ZBTB4: variants seen among roughly 807,000 people sequenced by gnomAD.
ZBTB4 encodes zinc finger and BTB domain-containing protein 4.
In ZBTB4, 14 loss-of-function variants were observed where a neutral mutation model predicts 59.8. The ratio of observed to expected loss-of-function variants is 0.23; its 90% CI spans 0.15 to 0.37. The LOEUF (loss-of-function observed/expected upper bound fraction) is 0.37, where lower values mean the gene tolerates loss of function less well. Among genes scored for constraint, ZBTB4 ranks in the 10% least tolerant of loss-of-function variants. The pLI, the probability that ZBTB4 is intolerant of heterozygous loss-of-function variation, is 1.00. For missense variants in ZBTB4, 1,198 were observed against 1,380.8 expected, an observed-to-expected ratio of 0.87 and a Z score of 2.10; for synonymous variants, 587 against 575.2, an observed-to-expected ratio of 1.02 and a Z score of -0.29.
upstream of ZBTB4, among the ~76,000 whole-genome samples, chr17:7,480,727 A>AC (rs981728345): frequency 5.5e-4 from 83 of 151,360 alleles, no homozygotes; most frequent in Non-Finnish European, 9.3e-4. Flanking sequence ...CTCAAAAAAA[A>AC]AACAACAACA....
rs1195159497 is a variant in ZBTB4 at position 7,463,298 on chromosome 17, G to A, written c.1684C>T (p.Pro562Ser). 6.2e-7 allele frequency: 1 copy of A among 1,610,404 alleles called. No homozygotes were observed. Residue 562 changes from proline (P) to serine (S), a missense_variant, in exon 4 of 4, where the codon CCA (proline) becomes TCA (serine). Transcript: ENST00000380599. Reference sequence around the variant, plus strand: ...TAAGTCAGAGTCCTTCCAGCCCGTGGATTCCGGCCCTTGGCCTCCTCCGTG... The same window carrying A: ...TAAGTCAGAGTCCTTCCAGCCCGTGAATTCCGGCCCTTGGCCTCCTCCGTG... ...TTTEEAKGRNPRAGRTLTYTA... is the reference protein window; with the variant it reads ...TTTEEAKGRNSRAGRTLTYTA...
intron 1 of ZBTB4, among the ~76,000 whole-genome samples, chr17:7,476,137 G>A (rs944061420): frequency 3.3e-5 from 5 of 152,082 alleles, no homozygotes; most frequent in African/African-American, 4.8e-5. Flanking sequence ...CTATCCCCTG[G>A]CCTCCAGGCT....
At chr17:7,476,105 G>T (rs1401805280) in intron 1 of ZBTB4, among the ~76,000 whole-genome samples, 2 of 152,122 alleles carry the variant, frequency 1.3e-5, no homozygotes, top group Non-Finnish European at 2.9e-5. Context: ...CACTCACGTG[G>T]TCCAAGGTTA....
At chr17:7,482,583 G>T (rs1732917066), upstream of ZBTB4, 1 of 1,612,260 alleles carries the variant, frequency 6.2e-7, no homozygotes, top group Non-Finnish European at 8.5e-7. Context: ...TTCGTGGGAG[G>T]ACTGGCGCTG....
chr17:7,460,262 T>G lies in ZBTB4; in HGVS notation c.*1678A>C, dbSNP rs1304406013. ...AGAGGAGGAATGAAGGAGTGACTCC[T>G]CTGTGGTTAACATTCAGGGAGCCTG... On this transcript the variant is annotated 3_prime_UTR_variant, in exon 4 of 4. Coordinates refer to ENST00000380599, the MANE Select transcript of ZBTB4 (RefSeq NM_001128833.2). The G allele has an allele frequency of 1.3e-5, 2 of 152,656 alleles. No individual in the cohort carries two copies. The highest frequency in any genetic ancestry group is 2.9e-5 in the Non-Finnish European group (2 of 68,046). The allele number at this position is 152,656 out of a possible 1,614,324, so 9.5% of individuals were successfully genotyped here. A position where few individuals can be genotyped will look rare whatever the true frequency, so the allele number is the denominator to read the frequency against.
upstream of ZBTB4, among the ~76,000 whole-genome samples, chr17:7,481,073 TG>T (rs1487759934): frequency 2.7e-5 from 4 of 149,768 alleles, no homozygotes; most frequent in Admixed American, 2.0e-4. Context: ...GTAGGAGAAT[TG>T]CTTGAACCCA....
upstream of ZBTB4, chr17:7,482,380 TGTTCGCAAAG>T (rs2070356284): frequency 1.2e-6 from 2 of 1,613,912 alleles, no homozygotes; most frequent in Non-Finnish European, 1.7e-6. Flanking sequence ...ACGCTGCCAC[TGTTCGCAAAG>T]GTTCTTCCAC....
intron 1 of ZBTB4, among the ~76,000 whole-genome samples, chr17:7,474,788 G>T (rs1253655495): frequency 6.6e-6 from 1 of 151,632 alleles, no homozygotes; most frequent in Non-Finnish European, 1.5e-5. Context: ...GAGGCGGGCA[G>T]ATCACTTGAG....
upstream of ZBTB4, chr17:7,483,993 G>GCC (rs2070380571): frequency 2.0e-5 from 3 of 150,704 alleles, no homozygotes; most frequent in African/African-American, 7.3e-5. Context: ...GCCCCGCCCC[G>GCC]CCGCCATTAC....
At chr17:7,476,219 TG>T (rs1364705153) in intron 1 of ZBTB4, among the ~76,000 whole-genome samples, 2 of 152,194 alleles carry the variant, frequency 1.3e-5, no homozygotes, top group Non-Finnish European at 2.9e-5. Flanking sequence ...CTATCACTCC[TG>T]GGCTCAAAAC....
intron 1 of ZBTB4, among the ~76,000 whole-genome samples, chr17:7,474,137 G>A (rs963154175): frequency 4.7e-5 from 7 of 150,478 alleles, no homozygotes; most frequent in Admixed American, 3.3e-4. Flanking sequence ...GGCTGGTCTC[G>A]AACTCCTGAC....
chr17:7,482,680 G>A, upstream of ZBTB4: 1 of 1,612,028 alleles, frequency 6.2e-7, no homozygotes, highest in Non-Finnish European at 8.5e-7. Context: ...TGGGGCTGCT[G>A]GGCTCTGTGC....
chr17:7,461,635 A>G lies in ZBTB4; in HGVS notation c.*305T>C. On this transcript the variant is annotated 3_prime_UTR_variant, in exon 4 of 4. Transcript: ENST00000380599. ...CAGAGCTGGTGGGGGCTGTGAGTAG[A>G]GATTCAGGTTAAGTATATTGCTCAG... The G allele has an allele frequency of 3.6e-6, 1 of 279,788 alleles. No homozygotes were observed. The highest frequency in any genetic ancestry group is 6.7e-6 in the Non-Finnish European group (1 of 149,524). The allele number at this position is 279,788 out of a possible 1,614,324, so 17.3% of individuals were successfully genotyped here. A position where few individuals can be genotyped will look rare whatever the true frequency, so the allele number is the denominator to read the frequency against.
chr17:7,476,538 C>T (rs1353340819), intron 1 of ZBTB4, among the ~76,000 whole-genome samples: 8 of 152,128 alleles, frequency 5.3e-5, no homozygotes, highest in African/African-American at 1.9e-4. Context: ...CTACATGACC[C>T]ACACCTTCAT....
At position 7,462,999 on chromosome 17, in the gene ZBTB4, G is replaced by C; in HGVS notation, c.1983C>G (p.Asp661Glu). 6.2e-7 allele frequency: 1 copy of C among 1,610,248 alleles called. No homozygotes were observed. ...AGGAGTAGTAGGGCCTCCAGAGCTG[G>C]TCCTCCCCACCAGCCTTTGATTCCT... ...DEEESKAGGE[D>E]QLWRPYYSYK... The change falls in exon 4 of 4, where the codon GAC (aspartate) becomes GAG (glutamate). Residue 661 changes from aspartate (D) to glutamate (E), a missense_variant. Asp to Glu is a conservative substitution (Grantham distance 45, BLOSUM62 2). This residue lies in a region of ZBTB4 where 550 missense variants were observed against 541.8 expected (regional missense o/e 1.02). Coordinates refer to ENST00000380599, the MANE Select transcript of ZBTB4 (RefSeq NM_001128833.2). The surrounding 1 kb of genome is among the most constrained non-coding windows in gnomAD (Gnocchi z 7.5).
At chr17:7,469,077 G>A (rs1397827784) in intron 1 of ZBTB4, among the ~76,000 whole-genome samples, 2 of 152,050 alleles carry the variant, frequency 1.3e-5, no homozygotes, top group Non-Finnish European at 1.5e-5. Flanking sequence ...CTGGCTCACC[G>A]GGACCCCAAG....
intron 1 of ZBTB4, 67 bp from the exon 2 acceptor site, chr17:7,467,394 GAAGT>G: frequency 1.5e-5 from 6 of 387,966 alleles, no homozygotes; most frequent in Non-Finnish European, 1.8e-5. Flanking sequence ...CTCAAGGAGG[GAAGT>G]GAGAGGAAAA....
At chr17:7,480,893 G>A (rs541942237), upstream of ZBTB4, among the ~76,000 whole-genome samples, 2 of 150,886 alleles carry the variant, frequency 1.3e-5, no homozygotes, top group Non-Finnish European at 2.9e-5. Context: ...GGTGGCTCAT[G>A]CCTGTAATTC....
chr17:7,463,837 G>A lies in ZBTB4; in HGVS notation c.1145C>T (p.Thr382Ile), dbSNP rs747397369. ...AATGCCGTGGAAGGCTCGCTGGTGG[G>A]TCTTCAGGTTATAGTAAGTGACAAA... The part of the protein sequence containing the change: ...ETFVTYYNLK[T>I]HQRAFHGISP... Residue 382 changes from threonine to isoleucine, a missense_variant, in exon 4 of 4, where the codon ACC becomes ATC. By Grantham distance (89) the Thr-to-Ile change is moderately conservative. This residue lies in a region of ZBTB4 where 60 missense variants were observed against 93.0 expected (regional missense o/e 0.64). Transcript: ENST00000380599. The A allele has an allele frequency of 6.2e-7, 1 of 1,614,116 alleles. No homozygotes were observed. Among genetic ancestry groups the A allele is most frequent in the African/African-American group, 1.3e-5 (1 of 75,054 alleles).
Sources: gnomAD v4.1 joint callset for allele counts (sites outside exome capture counted in the v4.1 genomes callset) on GRCh38, gnomAD v4.1.1 for gene constraint, gnomAD v4.1.1 regional missense constraint, Gnocchi (gnomAD v3.1) non-coding constraint, MANE v1.5 for transcripts, NCBI Gene and HGNC (gene_info 2026-07-23, HGNC 2026-07-21) for gene names.